The following ADGRL2 variants were observed in gnomAD, a reference collection of about 807,000 sequenced individuals.
The protein encoded by ADGRL2 is calcium-independent alpha-latrotoxin receptor 2.
A neutral mutation model predicts 157.4 loss-of-function variants in ADGRL2; 44 were observed. The observed-to-expected ratio is 0.28, with a 90% CI of 0.22 to 0.36. ADGRL2 has a LOEUF of 0.36. Among genes scored for constraint, ADGRL2 ranks in the 10% least tolerant of loss-of-function variants. The pLI is 1.00. For synonymous variants in ADGRL2, 585 were observed against 624.7 expected (o/e 0.94, Z 0.95); for missense variants, 1,510 against 1,768.9 (o/e 0.85, Z 2.63).
chr1:81,688,645 A>T (rs1158865991), intron 3 of ADGRL2, among the ~76,000 whole-genome samples: 1 of 152,052 alleles, frequency 6.6e-6, no homozygotes, highest in Non-Finnish European at 1.5e-5. Flanking sequence ...TAGCTTAATT[A>T]CTAACCTCCT....
At chr1:81,676,788 G>A (rs1022121273) in intron 3 of ADGRL2, among the ~76,000 whole-genome samples, 3 of 151,410 alleles carry the variant, frequency 2.0e-5, no homozygotes, top group South Asian at 2.1e-4. Flanking sequence ...CCAGGTTCAC[G>A]TCATTCTCCT....
chr1:81,496,159 G>A (rs559805766), intron 2 of ADGRL2, among the ~76,000 whole-genome samples: 42 of 152,192 alleles, frequency 2.8e-4, no homozygotes, highest in Middle Eastern at 3.4e-3. Flanking sequence ...TGTCACAATC[G>A]TTTTAATTTT....
At chr1:81,454,253 C>T (rs926455233) in intron 2 of ADGRL2, among the ~76,000 whole-genome samples, 11 of 151,736 alleles carry the variant, frequency 7.2e-5, no homozygotes, top group Admixed American at 2.6e-4. Context: ...TTATTAAAAC[C>T]TTGTCATGCA....
intron 11 of ADGRL2, among the ~76,000 whole-genome samples, chr1:81,960,116 A>T (rs1558002280): frequency 6.6e-6 from 1 of 152,058 alleles, no homozygotes; most frequent in Non-Finnish European, 1.5e-5. Flanking sequence ...TTTTTCATTA[A>T]AAGTTATTTC....
At chr1:81,616,617 C>A (rs991665393) in intron 3 of ADGRL2, among the ~76,000 whole-genome samples, 1 of 150,656 alleles carries the variant, frequency 6.6e-6, no homozygotes, top group Non-Finnish European at 1.5e-5. Flanking sequence ...AGGCTACCTA[C>A]TCATTAGTAT....
intron 1 of ADGRL2, among the ~76,000 whole-genome samples, chr1:81,733,376 C>T (rs1259769829): frequency 1.3e-5 from 2 of 152,216 alleles, no homozygotes; most frequent in Admixed American, 1.3e-4. Flanking sequence ...AGTCTGAGAC[C>T]AAGGTGCTGG....
At chr1:81,892,685 T>C (rs184986177) in intron 2 of ADGRL2, among the ~76,000 whole-genome samples, 3 of 152,304 alleles carry the variant, frequency 2.0e-5, no homozygotes, top group Admixed American at 1.3e-4. Flanking sequence ...GGGTGTTGTA[T>C]AGATATTTAT....
intron 1 of ADGRL2, among the ~76,000 whole-genome samples, chr1:81,725,310 C>A (rs192836520): frequency 6.6e-6 from 1 of 151,480 alleles, no homozygotes; most frequent in African/African-American, 2.4e-5. Context: ...GAGGCCGAAG[C>A]GGGCAGATCA....
intron 2 of ADGRL2, among the ~76,000 whole-genome samples, chr1:81,493,470 C>T (rs971950605): frequency 2.0e-5 from 3 of 152,154 alleles, no homozygotes; most frequent in African/African-American, 7.2e-5. Context: ...TTGTGCTCTC[C>T]TATTTTTAGG....
intron 2 of ADGRL2, among the ~76,000 whole-genome samples, chr1:81,501,467 G>A (rs535182992): frequency 2.0e-5 from 3 of 152,336 alleles, no homozygotes; most frequent in Non-Finnish European, 4.4e-5. Context: ...TTTAGTGAGA[G>A]CTCACATTCT....
intron 1 of ADGRL2, among the ~76,000 whole-genome samples, chr1:81,370,865 A>G (rs979561010): frequency 8.5e-5 from 13 of 152,206 alleles, no homozygotes; most frequent in African/African-American, 1.2e-4. Flanking sequence ...TAAGAATAAT[A>G]GAATCATTGA....
chr1:81,989,276 T>C (rs902212238), intron 23 of ADGRL2, among the ~76,000 whole-genome samples: 3 of 152,178 alleles, frequency 2.0e-5, no homozygotes, highest in African/African-American at 2.4e-5. Context: ...TCCCATTCCA[T>C]AGTTAATATT....
intron 1 of ADGRL2, among the ~76,000 whole-genome samples, chr1:81,358,410 T>G (rs147157914): frequency 3.0e-4 from 45 of 152,290 alleles, no homozygotes; most frequent in African/African-American, 8.4e-4. Context: ...GTACAAGCAT[T>G]GAATCCAGAT....
chr1:81,719,474 T>C (rs925627021), intron 1 of ADGRL2, among the ~76,000 whole-genome samples: 1 of 152,170 alleles, frequency 6.6e-6, no homozygotes, highest in African/African-American at 2.4e-5. Flanking sequence ...TCCTTTACAA[T>C]CCCAAGTAAT....
At chr1:81,730,296 C>T (rs568466450) in intron 1 of ADGRL2, among the ~76,000 whole-genome samples, 187 of 152,258 alleles carry the variant, frequency 1.2e-3, no homozygotes, top group Middle Eastern at 3.4e-3. Context: ...AAATTGCTCC[C>T]ATTCCTATAG....
intron 2 of ADGRL2, among the ~76,000 whole-genome samples, chr1:81,893,806 C>A (rs2038973): frequency 3.3e-5 from 5 of 152,010 alleles, no homozygotes; most frequent in Non-Finnish European, 5.9e-5. Flanking sequence ...AAATAAACTC[C>A]CTGCTTTCCC....
intron 1 of ADGRL2, among the ~76,000 whole-genome samples, chr1:81,386,366 G>A (rs1034988567): frequency 6.6e-6 from 1 of 152,052 alleles, no homozygotes; most frequent in African/African-American, 2.4e-5. Context: ...GGTTTTATTC[G>A]CTAGCCTCCA....
At chr1:81,406,003 A>G (rs534820213) in intron 1 of ADGRL2, among the ~76,000 whole-genome samples, 17 of 152,204 alleles carry the variant, frequency 1.1e-4, no homozygotes, top group Non-Finnish European at 2.5e-4. Flanking sequence ...AAGATTTCCC[A>G]TCTTTACTGT....
At chr1:81,569,844 C>G (rs1298823627) in intron 2 of ADGRL2, among the ~76,000 whole-genome samples, 2 of 151,998 alleles carry the variant, frequency 1.3e-5, no homozygotes, top group East Asian at 3.9e-4. Context: ...AAAAATTAAA[C>G]CAAAAAAGAT....
Sources: allele counts gnomAD v4.1 joint callset (sites outside exome capture counted in the v4.1 genomes callset), GRCh38; gene constraint gnomAD v4.1.1; transcripts MANE v1.5; gene names NCBI Gene and HGNC (gene_info 2026-07-23, HGNC 2026-07-21).